Variants in NAV3 observed in about 807,000 individuals in gnomAD.
The protein encoded by NAV3 is pore membrane and/or filament interacting like protein 1.
A neutral mutation model predicts 244.7 loss-of-function variants in NAV3; 87 were observed. That is an observed-to-expected ratio of 0.36 (90% CI 0.30 to 0.42). The LOEUF is 0.42. Among genes scored for constraint, NAV3 ranks in the 20% least tolerant of loss-of-function variants. The probability of loss-of-function intolerance (pLI) is 1.00; values close to 1 mark genes in which losing one functional copy is unlikely to be tolerated. For synonymous variants in NAV3, 1,126 were observed against 1,042.2 expected (o/e 1.08, Z -1.55); for missense variants, 2,663 against 2,893.3 (o/e 0.92, Z 1.83).
rs147886253 is a variant in NAV3 at position 77,613,632 on chromosome 12, G to A, written c.72+41366G>A. 1.4e-3 allele frequency among the ~76,000 whole-genome samples: 210 copies of A among 152,210 alleles called. 1 individual carries two copies. Among genetic ancestry groups the A allele is most frequent in the African/African-American group, 4.6e-3 (190 of 41,538 alleles). ...CAGTATTCTTCTAGCACTCCTGCCC[G>A]TAAGTTAGAAAAGCATATTGTTCTC... is the stretch of plus-strand genomic sequence containing the variant. On this transcript the variant is annotated intron_variant, in intron 2 of 8. Transcript: ENST00000550042.
intron 12 of NAV3, among the ~76,000 whole-genome samples, chr12:78,096,077 T>C (rs967728143): frequency 6.6e-6 from 1 of 152,212 alleles, no homozygotes; most frequent in African/African-American, 2.4e-5. Context: ...CAGTACTTCA[T>C]ATCCCTGAAG....
chr12:77,673,242 C>T (rs7966887), intron 2 of NAV3, among the ~76,000 whole-genome samples: 12,952 of 152,120 alleles, frequency 0.085, 836 homozygotes, highest in African/African-American at 0.19. Context: ...TTACTATTCA[C>T]ACATATGTTA....
At chr12:77,673,178 C>T (rs1414168075) in intron 2 of NAV3, among the ~76,000 whole-genome samples, 1 of 152,048 alleles carries the variant, frequency 6.6e-6, no homozygotes, top group South Asian at 2.1e-4. Flanking sequence ...CTTTTTTGCT[C>T]ATCTTTTTTT....
chr12:77,954,135 T>G (rs1424435317), intron 3 of NAV3, among the ~76,000 whole-genome samples: 1 of 152,194 alleles, frequency 6.6e-6, no homozygotes, highest in Non-Finnish European at 1.5e-5. Context: ...CATTGGATAT[T>G]TGAGAAGTAA....
chr12:78,076,783 A>G (rs300471), intron 12 of NAV3, among the ~76,000 whole-genome samples: 8,744 of 152,262 alleles, frequency 0.057, 302 homozygotes, highest in Admixed American at 0.078. Flanking sequence ...TTTATTGAGT[A>G]TGAAATTCTA....
intron 2 of NAV3, among the ~76,000 whole-genome samples, chr12:77,788,923 C>G (rs1871034699): frequency 6.6e-6 from 1 of 152,112 alleles, no homozygotes; most frequent in Non-Finnish European, 1.5e-5. Flanking sequence ...CCAGTTTCTC[C>G]TCTCCTCCAT....
intron 5 of NAV3, among the ~76,000 whole-genome samples, chr12:77,986,344 A>G (rs544995011): frequency 8.5e-5 from 13 of 152,356 alleles, no homozygotes; most frequent in Middle Eastern, 3.4e-3. Context: ...CCTGGGCGAC[A>G]GAGCAAAACT....
chr12:77,853,632 C>T (rs931267879), intron 1 of NAV3, among the ~76,000 whole-genome samples: 61 of 152,046 alleles, frequency 4.0e-4, no homozygotes, highest in African/African-American at 1.5e-3. Context: ...CACAATAAAA[C>T]AGGCAGAATT....
intron 2 of NAV3, among the ~76,000 whole-genome samples, chr12:77,723,909 AT>A (rs1291990856): frequency 6.6e-6 from 1 of 151,838 alleles, no homozygotes; most frequent in East Asian, 1.9e-4. Context: ...TACATATGAG[AT>A]TTAAAGTGAT....
intron 12 of NAV3, among the ~76,000 whole-genome samples, chr12:78,085,317 G>T (rs1308387435): frequency 2.6e-5 from 4 of 152,082 alleles, no homozygotes; most frequent in Non-Finnish European, 5.9e-5. Context: ...ACCCCTGTTT[G>T]GGATGTCTTT....
At chr12:77,850,732 T>G (rs768463642) in intron 1 of NAV3, among the ~76,000 whole-genome samples, 6 of 152,092 alleles carry the variant, frequency 3.9e-5, no homozygotes, top group Non-Finnish European at 8.8e-5. Context: ...ATGGATACAG[T>G]GTGTGTAGGG....
intron 2 of NAV3, among the ~76,000 whole-genome samples, chr12:77,696,637 A>G (rs1359190784): frequency 6.6e-6 from 1 of 152,154 alleles, no homozygotes; most frequent in African/African-American, 2.4e-5. Flanking sequence ...GCTTATGGCA[A>G]TTTGTTAAGC....
Position 77,922,817 on chromosome 12 carries a change from G to A in NAV3, c.244-17502G>A, listed in dbSNP as rs140533528. On this transcript the variant is annotated intron_variant, in intron 1 of 39. Coordinates refer to ENST00000397909, the MANE Select transcript of NAV3 (RefSeq NM_001024383.2). Reference sequence around the variant, plus strand: ...TTCCTTAGAATACCAATGAGGTAATGCTTTGAAATCAATTTTAATTTTATG... The same window carrying A: ...TTCCTTAGAATACCAATGAGGTAATACTTTGAAATCAATTTTAATTTTATG... 2.5e-3 allele frequency among the ~76,000 whole-genome samples: 376 copies of A among 152,190 alleles called. 3 individuals carry two copies. Among genetic ancestry groups the A allele is most frequent in the Middle Eastern group, 0.01 (3 of 290 alleles).
At chr12:77,747,452 A>G (rs1868607735) in intron 2 of NAV3, among the ~76,000 whole-genome samples, 3 of 152,354 alleles carry the variant, frequency 2.0e-5, no homozygotes, top group South Asian at 4.1e-4. Context: ...AAACTAGTTC[A>G]ACCATTGTGG....
Position 77,831,149 on chromosome 12 carries a change from A to T in NAV3, c.-313A>T, listed in dbSNP as rs73138102. 56,532 of 167,156 alleles carry T rather than the reference A, an allele frequency of 0.34. 11,723 individuals carry two copies. The highest frequency in any genetic ancestry group is 0.46 in the East Asian group (2,634 of 5,730). 10.4% of individuals were successfully genotyped at this position (167,156 alleles called of 1,614,324 possible). ...GTATTACTTAGATACTGAGTCACTG[A>T]ACAGAGAGAGAGAGAGAGACAGAGA... On this transcript the variant is annotated 5_prime_UTR_variant, in exon 1 of 40. Transcript: ENST00000397909.
intron 1 of NAV3, among the ~76,000 whole-genome samples, chr12:77,933,271 CTG>C (rs1212989707): frequency 6.6e-6 from 1 of 151,988 alleles, no homozygotes; most frequent in Non-Finnish European, 1.5e-5. Flanking sequence ...GTTTATATGA[CTG>C]TTAGAGTGAT....
At chr12:77,771,664 C>CA (rs1475344078) in intron 2 of NAV3, among the ~76,000 whole-genome samples, 1 of 150,200 alleles carries the variant, frequency 6.7e-6, no homozygotes, top group African/African-American at 2.5e-5. Context: ...ATCACAAGGA[C>CA]AAAAAACCAA....
intron 7 of NAV3, among the ~76,000 whole-genome samples, chr12:78,001,533 T>A (rs1873306230): frequency 6.6e-6 from 1 of 152,224 alleles, no homozygotes. Context: ...GCTTTTCATA[T>A]GTATGATTTG....
Position 78,198,693 on chromosome 12 carries a change from G to C in NAV3, c.6518+17G>C. ...CAATTTCAGGTAAAGTTAAGTTGAA[G>C]GTTTTTTTGTTTTGTTTTTTTGTTT... On this transcript the variant is annotated intron_variant, in intron 36 of 39. Coordinates refer to ENST00000397909, the MANE Select transcript of NAV3 (RefSeq NM_001024383.2). The C allele has an allele frequency of 1.4e-6, 2 of 1,402,846 alleles. No homozygotes were observed. The highest frequency in any genetic ancestry group is 1.9e-6 in the Non-Finnish European group (2 of 1,035,126). 86.9% of individuals were successfully genotyped at this position (1,402,846 alleles called of 1,614,324 possible). A position where few individuals can be genotyped will look rare whatever the true frequency, so the allele number is the denominator to read the frequency against.
Sources: gnomAD v4.1 joint callset for allele counts (sites outside exome capture counted in the v4.1 genomes callset) on GRCh38, gnomAD v4.1.1 for gene constraint, MANE v1.5 for transcripts, NCBI Gene and HGNC (gene_info 2026-07-23, HGNC 2026-07-21) for gene names.